The following KCNQ1 variants were observed in gnomAD, a reference collection of about 807,000 sequenced individuals.
KCNQ1 encodes the protein potassium voltage-gated channel subfamily KQT member 1.
A neutral mutation model predicts 72.4 loss-of-function variants in KCNQ1; 49 were observed. The ratio of observed to expected loss-of-function variants is 0.68; its 90% CI spans 0.54 to 0.86. The LOEUF (loss-of-function observed/expected upper bound fraction) is 0.86. Ranked by LOEUF, KCNQ1 falls within the 40% of genes least tolerant of loss-of-function variation. The pLI is 0.00. For missense variants in KCNQ1, 790 were observed against 945.1 expected, an observed-to-expected ratio of 0.84 and a Z score of 2.15; for synonymous variants, 450 against 412.6, an observed-to-expected ratio of 1.09 and a Z score of -1.10.
chr11:2,722,925 A>T (rs919981211), intron 11 of KCNQ1, among the ~76,000 whole-genome samples: 1 of 151,884 alleles, frequency 6.6e-6, no homozygotes, highest in Non-Finnish European at 1.5e-5. Flanking sequence ...GGCATGTGTC[A>T]CTCCCAGGAC....
chr11:2,668,922 C>T lies in KCNQ1; in HGVS notation c.1514+6841C>T. ...CTGGTTTATTCTAAAGCTTTATTAGCTCACCTTTCCCATGTAGATCTGCAC... is the reference window on the plus strand; with the variant it reads ...CTGGTTTATTCTAAAGCTTTATTAGTTCACCTTTCCCATGTAGATCTGCAC... On this transcript the variant is annotated intron_variant, in intron 11 of 15. Coordinates refer to ENST00000155840, the MANE Select transcript of KCNQ1 (RefSeq NM_000218.3). The surrounding 1 kb of genome is among the most constrained non-coding windows in gnomAD (Gnocchi z 4.3). The T allele has an allele frequency of 2.5e-6, 1 of 398,610 alleles. No individual in the cohort carries two copies. Among genetic ancestry groups the T allele is most frequent in the Non-Finnish European group, 4.4e-6 (1 of 226,066 alleles). 24.7% of individuals were successfully genotyped at this position (398,610 alleles called of 1,614,324 possible).
In KCNQ1 at chr11:2,723,577, G is replaced by A. The variant is rs182809404; in HGVS notation, c.1515-45267G>A. Among the ~76,000 whole-genome samples the A allele has an allele frequency of 6.6e-6, 1 of 152,340 alleles. No homozygotes were observed. Among genetic ancestry groups the A allele is most frequent in the Admixed American group, 6.5e-5 (1 of 15,304 alleles). On this transcript the variant is annotated intron_variant, in intron 11 of 15. Transcript: ENST00000155840. This position sits in a 1 kb window ranked among gnomAD's most constrained non-coding sequence, Gnocchi z 4.2. ...GGCAGTGGCATTTAGAGAGGACCCT[G>A]AAGTCCAAAGAGGGGATGCCAGCCT...
In KCNQ1 at chr11:2,754,133, C is replaced by T. The variant is rs148483075; in HGVS notation, c.1515-14711C>T. On this transcript the variant is annotated intron_variant, in intron 11 of 15. Coordinates refer to ENST00000155840, the MANE Select transcript of KCNQ1 (RefSeq NM_000218.3). ...ATCAAAACCACAGTGAGGTTTACAC[C>T]CAGTAGGATGACTAAAACAAAAAAG... Among the ~76,000 whole-genome samples the T allele has an allele frequency of 2.8e-4, 43 of 152,292 alleles. No individual in the cohort carries two copies. The East Asian group carries it at 7.9e-3, about 28-fold the overall frequency.
chr11:2,733,857 C>CACTCTCTCACTCTTTCTCTCG (rs147278439), intron 11 of KCNQ1, among the ~76,000 whole-genome samples: 1 of 76,322 alleles, frequency 1.3e-5, no homozygotes, highest in Non-Finnish European at 2.5e-5. Flanking sequence ...CTCTCTCTCT[C>CACTCTCTCACTCTTTCTCTCG]CCCCCCCACT....
Position 2,538,980 on chromosome 11 carries a change from C to T in KCNQ1, c.477+10962C>T, listed in dbSNP as rs370161141. 2.8e-4 allele frequency among the ~76,000 whole-genome samples: 42 copies of T among 152,326 alleles called. No individual in the cohort carries two copies. The East Asian group carries it at 7.7e-3, about 28-fold the overall frequency. Reference sequence around the variant, plus strand: ...GAACCACCAGTCAGCGTCTTTCCTCCAGGGAGGCTGTGCAGAGGGAAGGCA... The same window carrying T: ...GAACCACCAGTCAGCGTCTTTCCTCTAGGGAGGCTGTGCAGAGGGAAGGCA... On this transcript the variant is annotated intron_variant, in intron 2 of 15. Transcript: ENST00000155840. The surrounding 1 kb of genome is among the most constrained non-coding windows in gnomAD (Gnocchi z 6.7).
intron 1 of KCNQ1, 75 bp from the exon 2 acceptor site, chr11:2,527,853 G>T (rs1017810931): frequency 2.2e-5 from 30 of 1,350,598 alleles, no homozygotes; most frequent in Non-Finnish European, 3.2e-5. Context: ...GAGGCCAGGG[G>T]CCCCTCCACT....
intron 13 of KCNQ1, among the ~76,000 whole-genome samples, 191 bp from the exon 14 acceptor site, chr11:2,776,795 G>A (rs543130740): frequency 1.3e-5 from 2 of 152,338 alleles, no homozygotes; most frequent in East Asian, 1.9e-4. Flanking sequence ...TCCCTGCTCA[G>A]CCCCCTCGGG....
chr11:2,792,015 A>G (rs1481220122), intron 15 of KCNQ1, among the ~76,000 whole-genome samples: 1 of 151,892 alleles, frequency 6.6e-6, no homozygotes, highest in Non-Finnish European at 1.5e-5. Flanking sequence ...CACGGGGCCG[A>G]GGCGCGCTGG....
intron 1 of KCNQ1, among the ~76,000 whole-genome samples, chr11:2,496,717 C>T (rs1309907124): frequency 6.6e-6 from 1 of 151,788 alleles, no homozygotes; most frequent in African/African-American, 2.4e-5. Context: ...TGAATTTGGT[C>T]CTGTCGTCAT....
chr11:2,589,087 C>A (rs1021474610), intron 10 of KCNQ1, among the ~76,000 whole-genome samples: 4 of 152,196 alleles, frequency 2.6e-5, no homozygotes, highest in African/African-American at 4.8e-5. Context: ...GAAGCCTGGG[C>A]AGGTGATGGG....
intron 1 of KCNQ1, among the ~76,000 whole-genome samples, chr11:2,502,482 G>A (rs1847032286): frequency 6.6e-6 from 1 of 152,124 alleles, no homozygotes; most frequent in African/African-American, 2.4e-5. Flanking sequence ...CTTAACCAAA[G>A]AAGTGAGAGA....
Position 2,695,185 on chromosome 11 carries a change from G to C in KCNQ1, c.1514+33104G>C. 1 of 398,622 alleles carries C rather than the reference G, an allele frequency of 2.5e-6. No individual in the cohort carries two copies. Among genetic ancestry groups the C allele is most frequent in the South Asian group, 1.3e-4 (1 of 7,860 alleles). The allele number at this position is 398,622 out of a possible 1,614,324, so 24.7% of individuals were successfully genotyped here. ...TGCACAGAGTTGATCACAGCCCTCA[G>C]CCTATGAAACACTGTCACCCTGTAA... is the stretch of plus-strand genomic sequence containing the variant. On this transcript the variant is annotated intron_variant, in intron 11 of 15. Coordinates refer to ENST00000155840, the MANE Select transcript of KCNQ1 (RefSeq NM_000218.3). This position sits in a 1 kb window ranked among gnomAD's most constrained non-coding sequence, Gnocchi z 5.2.
chr11:2,456,325 A>G (rs1486796511), intron 1 of KCNQ1, among the ~76,000 whole-genome samples: 2 of 152,174 alleles, frequency 1.3e-5, no homozygotes, highest in Non-Finnish European at 2.9e-5. Flanking sequence ...ATTAAAAAAG[A>G]TTAGATGTAA....
chr11:2,528,433 C>T (rs886587174), intron 2 of KCNQ1, among the ~76,000 whole-genome samples: 2 of 152,236 alleles, frequency 1.3e-5, no homozygotes, highest in African/African-American at 2.4e-5. Flanking sequence ...CCAGCAGCAG[C>T]CCCCACCCCA....
chr11:2,700,858 C>T (rs561126257), intron 11 of KCNQ1, among the ~76,000 whole-genome samples: 2 of 152,282 alleles, frequency 1.3e-5, no homozygotes, highest in South Asian at 4.1e-4. Context: ...CTGGCGCGCG[C>T]CTTCTGAATG....
In KCNQ1 at chr11:2,645,012, G is replaced by A. The variant is rs1849645076; in HGVS notation, c.1394-16949G>A. 2.5e-6 allele frequency: 1 copy of A among 398,744 alleles called. No individual in the cohort carries two copies. The allele number at this position is 398,744 out of a possible 1,614,324, so 24.7% of individuals were successfully genotyped here. A position where few individuals can be genotyped will look rare whatever the true frequency, so the allele number is the denominator to read the frequency against. ...TGGTACCAGTGTTAGCAAGTCCAGG[G>A]AAACCAATTTTGGGCCTCCAGGCAA... On this transcript the variant is annotated intron_variant, in intron 10 of 15. Transcript: ENST00000155840. This position sits in a 1 kb window ranked among gnomAD's most constrained non-coding sequence, Gnocchi z 5.8.
intron 15 of KCNQ1, among the ~76,000 whole-genome samples, chr11:2,843,615 C>T (rs1848256543): frequency 6.6e-6 from 1 of 152,266 alleles, no homozygotes; most frequent in Non-Finnish European, 1.5e-5. Flanking sequence ...TCCACGAGGC[C>T]AGGGCCTTTG....
chr11:2,623,831 A>G lies in KCNQ1; in HGVS notation c.1393+34977A>G. On this transcript the variant is annotated intron_variant, in intron 10 of 15. Transcript: ENST00000155840. This position sits in a 1 kb window ranked among gnomAD's most constrained non-coding sequence, Gnocchi z 5.2. ...GCATGGTAAGAATATGTTTAATTTT[A>G]TAAGAAACCACTGATTTCGATATAC... 2.5e-6 allele frequency: 1 copy of G among 398,614 alleles called. No homozygotes were observed. The highest frequency in any genetic ancestry group is 4.4e-6 in the Non-Finnish European group (1 of 226,054). The allele number at this position is 398,614 out of a possible 1,614,324, so 24.7% of individuals were successfully genotyped here.
chr11:2,540,621 C>G (rs1463783592), intron 2 of KCNQ1, among the ~76,000 whole-genome samples: 1 of 152,212 alleles, frequency 6.6e-6, no homozygotes, highest in East Asian at 1.9e-4. Flanking sequence ...AGTGGATGTT[C>G]CCTTCAGGTG....
Sources: allele counts gnomAD v4.1 joint callset (sites outside exome capture counted in the v4.1 genomes callset), GRCh38; gene constraint gnomAD v4.1.1; non-coding constraint Gnocchi (gnomAD v3.1); transcripts MANE v1.5; gene names NCBI Gene and HGNC (gene_info 2026-07-23, HGNC 2026-07-21).